The following PRRG1 variants were observed in gnomAD, a reference collection of about 807,000 sequenced individuals.
PRRG1 encodes transmembrane gamma-carboxyglutamic acid protein 1.
In PRRG1, 5 loss-of-function variants were observed where a neutral mutation model predicts 11.8. The ratio of observed to expected loss-of-function variants is 0.42; its 90% confidence interval spans 0.22 to 0.89. The LOEUF is 0.89. Among genes scored for constraint, PRRG1 ranks in the 40% least tolerant of loss-of-function variants. The pLI, the probability that PRRG1 is intolerant of heterozygous loss-of-function variation, is 0.28. For missense variants in PRRG1, 155 were observed against 166.1 expected, an observed-to-expected ratio of 0.93 and a Z score of 0.37; for synonymous variants, 66 against 60.4, an observed-to-expected ratio of 1.09 and a Z score of -0.43.
At chrX:37,411,877 G>T (rs971058240) in intron 2 of PRRG1, among the ~76,000 whole-genome samples, 1 of 111,871 alleles carries the variant, frequency 8.9e-6, no homozygotes, top group Non-Finnish European at 1.9e-5. Flanking sequence ...ATAGCTTAAT[G>T]ATTGCAATCA....
chrX:37,400,718 A>G (rs1396925345), intron 1 of PRRG1, among the ~76,000 whole-genome samples: 1 of 111,647 alleles, frequency 9.0e-6, no homozygotes, highest in Non-Finnish European at 1.9e-5. Flanking sequence ...AAGGATCAAC[A>G]AAATTGATAG....
chrX:37,356,526 G>A (rs148085997), intron 1 of PRRG1, among the ~76,000 whole-genome samples: 3,033 of 110,593 alleles, frequency 0.027, 104 homozygotes, highest in African/African-American at 0.093. Flanking sequence ...AGATAAGCAA[G>A]AAGGATTGTG....
rs1014417673 is a variant in PRRG1, at chrX:37,454,898, G to A, written c.*1277G>A. ...AACATAAGCTGGCTGAGAAATAAAA[G>A]AAAACAAGACAGTTGTTCATAAAGT... On this transcript the variant is annotated 3_prime_UTR_variant, in exon 4 of 4. Coordinates refer to ENST00000378628, the MANE Select transcript of PRRG1 (RefSeq NM_001142395.2). 5 of 112,346 alleles carry A rather than the reference G, an allele frequency of 4.5e-5. No homozygotes were observed. The highest frequency in any genetic ancestry group is 9.4e-5 in the Non-Finnish European group (5 of 53,274). 9.3% of individuals were successfully genotyped at this position (112,346 alleles called of 1,213,427 possible).
chrX:37,357,950 G>T (rs1381222228), intron 1 of PRRG1, among the ~76,000 whole-genome samples: 1 of 112,166 alleles, frequency 8.9e-6, no homozygotes, highest in Non-Finnish European at 1.9e-5. Flanking sequence ...TTTAATAGAT[G>T]TGTAGTGCCA....
chrX:37,353,714 G>C (rs782096096), intron 1 of PRRG1, among the ~76,000 whole-genome samples: 3 of 112,329 alleles, frequency 2.7e-5, no homozygotes, highest in Non-Finnish European at 1.9e-5. Context: ...GTTCAGTACA[G>C]TAACATGCTG....
At chrX:37,439,031 A>C (rs1556392787) in intron 3 of PRRG1, among the ~76,000 whole-genome samples, 1 of 111,867 alleles carries the variant, frequency 8.9e-6, no homozygotes, top group East Asian at 2.8e-4. Context: ...GATTCAGTTT[A>C]GCCATTTCCA....
intron 1 of PRRG1, among the ~76,000 whole-genome samples, chrX:37,374,643 C>T: frequency 1.8e-5 from 2 of 111,496 alleles, no homozygotes; most frequent in African/African-American, 3.2e-5. Context: ...GATCTGTCTT[C>T]GAGTTCACTT....
At chrX:37,446,713 T>A (rs1247790289) in intron 3 of PRRG1, among the ~76,000 whole-genome samples, 2 of 111,657 alleles carry the variant, frequency 1.8e-5, no homozygotes, top group African/African-American at 6.5e-5. Flanking sequence ...GCTGGGAAGT[T>A]CAAGGGGCAT....
At chrX:37,410,839 T>C (rs1422180845) in intron 2 of PRRG1, among the ~76,000 whole-genome samples, 1 of 112,727 alleles carries the variant, frequency 8.9e-6, no homozygotes, top group East Asian at 2.8e-4. Flanking sequence ...GATGAGTTTT[T>C]ATCTTTGTTG....
chrX:37,395,549 A>G (rs892272223), intron 1 of PRRG1, among the ~76,000 whole-genome samples: 2 of 107,473 alleles, frequency 1.9e-5, no homozygotes, highest in Non-Finnish European at 3.8e-5. Flanking sequence ...CGGGAGGCGG[A>G]GGTTGCAGTC....
rs1556396995 is a variant in PRRG1 at position 37,453,192 on chromosome X, T to C, written c.228T>C (p.Ser76=). 5 of 1,209,138 alleles carry C rather than the reference T, an allele frequency of 4.1e-6. No individual in the cohort carries two copies. The highest frequency in any genetic ancestry group is 5.6e-6 in the Non-Finnish European group (5 of 893,127). Residue 76 remains serine, a synonymous_variant, in exon 4 of 4, where the codon AGT becomes AGC. Coordinates refer to ENST00000378628, the MANE Select transcript of PRRG1 (RefSeq NM_001142395.2). The part of the protein sequence containing the change: ...KAQQGESNRG[S]DWFQFYLTFP... The stretch of plus-strand genomic sequence containing the variant: ...AACAAGGGGAGAGTAACCGAGGAAG[T>C]GACTGGTTTCAGTTTTACCTTACCT...
rs180879305 is a variant in PRRG1, at chrX:37,358,537, C to T, written c.-42+9142C>T. Among the ~76,000 whole-genome samples, 436 of 111,056 alleles carry T rather than the reference C, an allele frequency of 3.9e-3. 3 individuals carry two copies. The highest frequency in any genetic ancestry group is 8.9e-3 in the African/African-American group (273 of 30,556). On this transcript the variant is annotated intron_variant, in intron 1 of 3. Transcript: ENST00000378628. ...TGCTCCTTTGTCAAAGATCAGTTGA[C>T]GATATGGATATACCTCTCTATTCTG...
At chrX:37,380,223 A>G (rs1242341952) in intron 1 of PRRG1, among the ~76,000 whole-genome samples, 1 of 111,777 alleles carries the variant, frequency 8.9e-6, no homozygotes, top group African/African-American at 3.2e-5. Flanking sequence ...AAAGCAAATA[A>G]AAAGGGCCAG....
chrX:37,355,061 G>A (rs1012205460), intron 1 of PRRG1, among the ~76,000 whole-genome samples: 5 of 110,456 alleles, frequency 4.5e-5, no homozygotes, highest in Admixed American at 1.9e-4. Flanking sequence ...ACAAGTATGT[G>A]CCACTATGCC....
intron 3 of PRRG1, among the ~76,000 whole-genome samples, chrX:37,427,033 G>A (rs782527002): frequency 2.7e-5 from 3 of 111,498 alleles, no homozygotes; most frequent in Non-Finnish European, 3.8e-5. Flanking sequence ...TAGAAATAGT[G>A]TTTTGCACCA....
intron 1 of PRRG1, among the ~76,000 whole-genome samples, chrX:37,368,726 C>T (rs974483424): frequency 2.4e-4 from 27 of 110,686 alleles, no homozygotes; most frequent in African/African-American, 8.2e-4. Context: ...CTACATGCCT[C>T]TTCTGTTTTT....
chrX:37,452,406 G>A (rs892033639), intron 3 of PRRG1, among the ~76,000 whole-genome samples: 6 of 111,570 alleles, frequency 5.4e-5, no homozygotes, highest in Non-Finnish European at 1.1e-4. Flanking sequence ...CTAGTAATTG[G>A]GTCAAGTTTC....
chrX:37,425,181 G>A (rs1321205402), intron 2 of PRRG1, among the ~76,000 whole-genome samples: 6 of 110,933 alleles, frequency 5.4e-5, no homozygotes, highest in Non-Finnish European at 1.1e-4. Flanking sequence ...TATTTTGAAT[G>A]TTTATATGAA....
intron 1 of PRRG1, among the ~76,000 whole-genome samples, chrX:37,354,688 C>T (rs370261210): frequency 6.3e-5 from 7 of 110,929 alleles, no homozygotes; most frequent in South Asian, 3.8e-4. Context: ...CCACCACGCC[C>T]GGCCGGTAGT....
Sources: gnomAD v4.1 joint callset for allele counts (sites outside exome capture counted in the v4.1 genomes callset) on GRCh38, gnomAD v4.1.1 for gene constraint, MANE v1.5 for transcripts, NCBI Gene and HGNC (gene_info 2026-07-23, HGNC 2026-07-21) for gene names.